The following JAKMIP1 variants were observed in gnomAD, a reference collection of about 807,000 sequenced individuals.
JAKMIP1 encodes janus kinase and microtubule-interacting protein 1.
A neutral mutation model predicts 113.0 loss-of-function variants in JAKMIP1; 33 were observed. That is an observed-to-expected ratio of 0.29 (90% CI 0.22 to 0.39). The LOEUF is 0.39. Among genes scored for constraint, JAKMIP1 ranks in the 10% least tolerant of loss-of-function variants. JAKMIP1 has a pLI of 1.00. For missense variants in JAKMIP1, 813 were observed against 1,080.5 expected (o/e 0.75, Z 3.47); for synonymous variants, 480 against 459.9 (o/e 1.04, Z -0.56).
In JAKMIP1 at chr4:6,116,807, T is replaced by C. The variant is rs1445252428; in HGVS notation, c.-147-3810A>G. On this transcript the variant is annotated intron_variant, in intron 1 of 20. Coordinates refer to ENST00000409021, the MANE Select transcript of JAKMIP1 (RefSeq NM_001099433.2). This position sits in a 1 kb window ranked among gnomAD's most constrained non-coding sequence, Gnocchi z 5.1. ...TGGAAATGAATACATAAAACAATGA[T>C]GGCTTGTGGTAGGTGCTGGAAAGAA... 2.0e-5 allele frequency among the ~76,000 whole-genome samples: 3 copies of C among 152,158 alleles called. No homozygotes were observed. Among genetic ancestry groups the C allele is most frequent in the Admixed American group, 1.3e-4 (2 of 15,280 alleles).
intron 12 of JAKMIP1, chr4:6,054,824 G>T: frequency 2.2e-6 from 1 of 456,724 alleles, no homozygotes; most frequent in Non-Finnish European, 4.4e-6. Context: ...GCATGTACAC[G>T]AGGGCTTTGA....
At chr4:6,027,051 T>G (rs1366235072) in intron 20 of JAKMIP1, among the ~76,000 whole-genome samples, 1 of 151,792 alleles carries the variant, frequency 6.6e-6, no homozygotes, top group African/African-American at 2.4e-5. Flanking sequence ...TTTGTGCCAT[T>G]TGATTAGTCT....
chr4:6,066,852 T>A (rs1251004558), intron 8 of JAKMIP1, among the ~76,000 whole-genome samples: 1 of 152,030 alleles, frequency 6.6e-6, no homozygotes, highest in African/African-American at 2.4e-5. Flanking sequence ...AGGATCCACC[T>A]CCCATCCTGC....
At chr4:6,052,384 T>C (rs1210429249) in intron 13 of JAKMIP1, among the ~76,000 whole-genome samples, 1 of 152,140 alleles carries the variant, frequency 6.6e-6, no homozygotes. Context: ...TGGTAGCTTA[T>C]ACCTGTAATC....
In JAKMIP1 at chr4:6,184,663, C is replaced by T. The variant is rs1387471369; in HGVS notation, c.-148+15590G>A. ...AGAGAGCAGGGGTGATTGTGCCTAT[C>T]GAAGGGAAGCAACCAATTGTCAACT... On this transcript the variant is annotated intron_variant, in intron 1 of 20. Coordinates refer to ENST00000409021, the MANE Select transcript of JAKMIP1 (RefSeq NM_001099433.2). This position sits in a 1 kb window ranked among gnomAD's most constrained non-coding sequence, Gnocchi z 4.5. Among the ~76,000 whole-genome samples the T allele has an allele frequency of 6.6e-6, 1 of 152,150 alleles. No homozygotes were observed. The highest frequency in any genetic ancestry group is 1.5e-5 in the Non-Finnish European group (1 of 68,046).
Position 6,136,795 on chromosome 4 carries a change from A to G in JAKMIP1, c.-147-23798T>C, listed in dbSNP as rs1428721228. ...CACAACCCACATCGTGGGGGTCCTGACTACACAGAAAGCCCTCGAGAACCA... is the reference window on the plus strand; with the variant it reads ...CACAACCCACATCGTGGGGGTCCTGGCTACACAGAAAGCCCTCGAGAACCA... On this transcript the variant is annotated intron_variant, in intron 1 of 20. Coordinates refer to ENST00000409021, the MANE Select transcript of JAKMIP1 (RefSeq NM_001099433.2). This position sits in a 1 kb window ranked among gnomAD's most constrained non-coding sequence, Gnocchi z 5.9. 6.6e-6 allele frequency among the ~76,000 whole-genome samples: 1 copy of G among 152,210 alleles called. No individual in the cohort carries two copies. Among genetic ancestry groups the G allele is most frequent in the African/African-American group, 2.4e-5 (1 of 41,452 alleles).
intron 1 of JAKMIP1, among the ~76,000 whole-genome samples, chr4:6,132,699 A>C (rs927335109): frequency 6.6e-6 from 1 of 152,112 alleles, no homozygotes; most frequent in South Asian, 2.1e-4. Context: ...AAATAGAAAC[A>C]AAGATTAAGG....
At chr4:6,105,178 T>C (rs1457959518) in intron 3 of JAKMIP1, among the ~76,000 whole-genome samples, 1 of 152,216 alleles carries the variant, frequency 6.6e-6, no homozygotes, top group Non-Finnish European at 1.5e-5. Flanking sequence ...TCATGGTTGT[T>C]GAAGTAAATG....
chr4:6,032,223 G>T (rs980990953), intron 19 of JAKMIP1, among the ~76,000 whole-genome samples: 2 of 152,182 alleles, frequency 1.3e-5, no homozygotes, highest in African/African-American at 4.8e-5. Flanking sequence ...TCTAATGTCT[G>T]GCTTTACAGC....
At position 6,193,500 on chromosome 4, in the gene JAKMIP1, G is replaced by C. The variant is rs1294318826; in HGVS notation, c.-148+6753C>G. The stretch of plus-strand genomic sequence containing the variant: ...GGCCAGGGTAGGGATGAACATTCCA[G>C]GCAGCAAGCAGCTCACACAAGCGCT... On this transcript the variant is annotated intron_variant, in intron 1 of 20. Coordinates refer to ENST00000409021, the MANE Select transcript of JAKMIP1 (RefSeq NM_001099433.2). The surrounding 1 kb of genome is among the most constrained non-coding windows in gnomAD (Gnocchi z 6.4). Among the ~76,000 whole-genome samples the C allele has an allele frequency of 6.6e-6, 1 of 152,218 alleles. No homozygotes were observed. Among genetic ancestry groups the C allele is most frequent in the Non-Finnish European group, 1.5e-5 (1 of 68,038 alleles).
intron 1 of JAKMIP1, among the ~76,000 whole-genome samples, chr4:6,195,601 A>G (rs183614802): frequency 7.9e-4 from 120 of 152,304 alleles, no homozygotes; most frequent in African/African-American, 2.8e-3. Flanking sequence ...CTCCCCCACA[A>G]AAGAACATGG....
In JAKMIP1 at chr4:6,082,827, T is replaced by A. The variant is rs1181795614; in HGVS notation, c.955-1072A>T. Among the ~76,000 whole-genome samples the A allele has an allele frequency of 3.9e-5, 6 of 151,986 alleles. No individual in the cohort carries two copies. In the South Asian group the frequency reaches 1.0e-3, roughly 26 times the overall value. ...CCAGAAAGCGGCAACAGCCTAAAGA[T>A]CCACCACTGGGAAGAGAGGTGAACA... On this transcript the variant is annotated intron_variant, in intron 5 of 20. Transcript: ENST00000409021.
At chr4:6,172,572 C>T (rs1014198655) in intron 1 of JAKMIP1, among the ~76,000 whole-genome samples, 2 of 152,094 alleles carry the variant, frequency 1.3e-5, no homozygotes, top group African/African-American at 4.8e-5. Context: ...TCTCATCTGC[C>T]CCACCCACAC....
rs1717206688 is a variant in JAKMIP1, at chr4:6,061,087, A to G, written c.1561-580T>C. 6.6e-6 allele frequency among the ~76,000 whole-genome samples: 1 copy of G among 152,216 alleles called. No homozygotes were observed. Among genetic ancestry groups the G allele is most frequent in the Admixed American group, 6.5e-5 (1 of 15,284 alleles). ...GAGGCACACGTCCCATCTCAGGGAG[A>G]CACTGCTACCCAGCAGCAGCCACAA... On this transcript the variant is annotated intron_variant, in intron 10 of 20. Transcript: ENST00000409021. The surrounding 1 kb of genome is among the most constrained non-coding windows in gnomAD (Gnocchi z 5.3).
chr4:6,035,854 G>A, intron 19 of JAKMIP1, 50 bp downstream of exon 19: 1 of 1,478,148 alleles, frequency 6.8e-7, no homozygotes, highest in Non-Finnish European at 9.1e-7. Context: ...GTGCACACAG[G>A]ACAACAAGGG....
chr4:6,047,903 C>T (rs561647128), intron 16 of JAKMIP1, among the ~76,000 whole-genome samples: 14 of 152,206 alleles, frequency 9.2e-5, no homozygotes, highest in African/African-American at 2.6e-4. Flanking sequence ...TTGTAACAAA[C>T]AGGTCAAAAA....
intron 1 of JAKMIP1, among the ~76,000 whole-genome samples, chr4:6,159,429 CT>C (rs1291963380): frequency 1.3e-5 from 2 of 152,124 alleles, no homozygotes; most frequent in African/African-American, 2.4e-5. Flanking sequence ...AGAAAAAAAT[CT>C]GTGACACATA....
chr4:6,083,240 T>G (rs1470228627), intron 5 of JAKMIP1, among the ~76,000 whole-genome samples: 1 of 151,696 alleles, frequency 6.6e-6, no homozygotes, highest in African/African-American at 2.4e-5. Flanking sequence ...CCATCTCTAC[T>G]AAAAATACAA....
At chr4:6,092,424 C>T (rs1722186686) in intron 3 of JAKMIP1, among the ~76,000 whole-genome samples, 2 of 152,370 alleles carry the variant, frequency 1.3e-5, no homozygotes, top group East Asian at 1.9e-4. Flanking sequence ...GCACCACCCA[C>T]CTGCAGCCGC....
Sources: allele counts gnomAD v4.1 joint callset (sites outside exome capture counted in the v4.1 genomes callset), GRCh38; gene constraint gnomAD v4.1.1; non-coding constraint Gnocchi (gnomAD v3.1); transcripts MANE v1.5; gene names NCBI Gene and HGNC (gene_info 2026-07-23, HGNC 2026-07-21).